Variants in DNM1L observed in about 807,000 individuals in gnomAD.
DNM1L encodes dynamin-1-like protein.
DNM1L carries 33 observed loss-of-function variants against 92.8 expected under a neutral mutation model. The observed-to-expected ratio is 0.36, with a 90% CI of 0.27 to 0.48. The LOEUF (loss-of-function observed/expected upper bound fraction) is 0.48, where lower values mean the gene tolerates loss of function less well. Ranked by LOEUF, DNM1L falls within the 20% of genes least tolerant of loss-of-function variation. DNM1L has a pLI of 0.99. For synonymous variants in DNM1L, 284 were observed against 305.0 expected, an observed-to-expected ratio of 0.93 and a Z score of 0.72; for missense variants, 485 against 888.8, an observed-to-expected ratio of 0.55 and a Z score of 5.78.
intron 6 of DNM1L, among the ~76,000 whole-genome samples, chr12:32,717,963 ATAT>A (rs1343834499): frequency 1.9e-5 from 2 of 105,518 alleles, no homozygotes; most frequent in African/African-American, 8.6e-5. Context: ...TATATAGTAT[ATAT>A]ATTATATATA....
At chr12:32,683,510 AC>A (rs1387529966) in intron 1 of DNM1L, among the ~76,000 whole-genome samples, 2 of 149,816 alleles carry the variant, frequency 1.3e-5, no homozygotes, top group Non-Finnish European at 3.0e-5. Context: ...GAGCCACTGC[AC>A]CTAGCCTAAA....
chr12:32,720,277 A>G (rs1251728880), intron 7 of DNM1L, among the ~76,000 whole-genome samples: 1 of 152,200 alleles, frequency 6.6e-6, no homozygotes, highest in Non-Finnish European at 1.5e-5. Context: ...TTTGGGAGAA[A>G]TTAGTTCCCT....
At chr12:32,732,380 A>G (rs1159610789) in intron 12 of DNM1L, among the ~76,000 whole-genome samples, 2 of 152,214 alleles carry the variant, frequency 1.3e-5, no homozygotes, top group African/African-American at 2.4e-5. Context: ...TAACTATAAT[A>G]TCGTAGTTGC....
chr12:32,705,316 G>C (rs1032048449), intron 2 of DNM1L: 26 of 152,154 alleles, frequency 1.7e-4, no homozygotes, highest in Admixed American at 5.2e-4. Context: ...TTTTTGAATA[G>C]TGAATTAATT....
At position 32,744,834 on chromosome 12, in the gene DNM1L, C is replaced by T. The variant is rs906676219; in HGVS notation, c.*1424C>T. 3 of 482,744 alleles carry T rather than the reference C, an allele frequency of 6.2e-6. No homozygotes were observed. The highest frequency in any genetic ancestry group is 1.2e-5 in the Non-Finnish European group (3 of 240,062). 29.9% of individuals were successfully genotyped at this position (482,744 alleles called of 1,614,324 possible). On this transcript the variant is annotated 3_prime_UTR_variant, in exon 20 of 20. Coordinates refer to ENST00000549701, the MANE Select transcript of DNM1L (RefSeq NM_012062.5). ...ACATATACATATTTTGTTAAAATTC[C>T]CCAGATGATTCTTGGTATGAACGAC...
chr12:32,683,482 T>G (rs1015255140), intron 1 of DNM1L, among the ~76,000 whole-genome samples: 7 of 152,096 alleles, frequency 4.6e-5, no homozygotes, highest in African/African-American at 1.7e-4. Flanking sequence ...CCTCCCAAAG[T>G]GCTAGGAGTA....
rs979923927 is a variant in DNM1L at position 32,722,781 on chromosome 12, T to C, written c.1079+148T>C. The C allele has an allele frequency of 1.6e-5, 10 of 606,590 alleles. No individual in the cohort carries two copies. The Admixed American group carries it at 3.0e-4, about 18-fold the overall frequency. The allele number at this position is 606,590 out of a possible 1,614,324, so 37.6% of individuals were successfully genotyped here. ...ACTTTGTAGAGATAATAGGATGATG[T>C]CTGGTTGTGTGAAAATATGCTTTGT... On this transcript the variant is annotated intron_variant, in intron 9 of 19. Transcript: ENST00000549701.
intron 1 of DNM1L, among the ~76,000 whole-genome samples, chr12:32,696,813 TG>T (rs1458631674): frequency 2.0e-5 from 3 of 150,308 alleles, no homozygotes; most frequent in Non-Finnish European, 4.4e-5. Context: ...TTAGTAGAGA[TG>T]GGGTTTCACC....
chr12:32,745,264 GTCCTTT>G lies in DNM1L; in HGVS notation c.*1855_*1860del, dbSNP rs1565553849. ...TTTCCAGATGACTATCATTATTCTAGTCCTTTGAATTTGTAAGGGGAAAAAAAACAA... is the reference window on the plus strand; with the variant it reads ...TTTCCAGATGACTATCATTATTCTAGGAATTTGTAAGGGGAAAAAAAACAA... On this transcript the variant is annotated 3_prime_UTR_variant, in exon 20 of 20. Coordinates refer to ENST00000549701, the MANE Select transcript of DNM1L (RefSeq NM_012062.5). 2 of 231,080 alleles carry G rather than the reference GTCCTTT, an allele frequency of 8.7e-6. No individual in the cohort carries two copies. The highest frequency in any genetic ancestry group is 1.6e-3 in the Middle Eastern group (1 of 628). The allele number at this position is 231,080 out of a possible 1,614,324, so 14.3% of individuals were successfully genotyped here. A position where few individuals can be genotyped will look rare whatever the true frequency, so the allele number is the denominator to read the frequency against.
intron 12 of DNM1L, among the ~76,000 whole-genome samples, chr12:32,733,222 CTTTATAG>C (rs957600489): frequency 1.3e-5 from 2 of 152,168 alleles, no homozygotes; most frequent in Non-Finnish European, 2.9e-5. Context: ...TAACTAGGTG[CTTTATAG>C]TTAAGGCTAA....
chr12:32,703,057 CT>C (rs781211967), intron 2 of DNM1L, among the ~76,000 whole-genome samples: 5,758 of 139,612 alleles, frequency 0.041, 270 homozygotes, highest in African/African-American at 0.13. Context: ...CTCTCTCTCT[CT>C]TTTTTTTTTT....
chr12:32,744,728 A>C lies in DNM1L; in HGVS notation c.*1318A>C, dbSNP rs1955533482. On this transcript the variant is annotated 3_prime_UTR_variant, in exon 20 of 20. Coordinates refer to ENST00000549701, the MANE Select transcript of DNM1L (RefSeq NM_012062.5). ...AACTCCGTCTCAAAAAAAAAAAATA[A>C]AACAACACCCAGATAGATACACATA... 2.7e-6 allele frequency: 1 copy of C among 367,336 alleles called. No individual in the cohort carries two copies. The highest frequency in any genetic ancestry group is 2.2e-5 in the African/African-American group (1 of 45,714). The allele number at this position is 367,336 out of a possible 1,614,324, so 22.8% of individuals were successfully genotyped here. A position where few individuals can be genotyped will look rare whatever the true frequency, so the allele number is the denominator to read the frequency against.
chr12:32,714,686 T>C (rs986716935), intron 6 of DNM1L, among the ~76,000 whole-genome samples: 33 of 152,096 alleles, frequency 2.2e-4, no homozygotes, highest in African/African-American at 7.5e-4. Flanking sequence ...TTACATTTTA[T>C]TTTTATTATT....
chr12:32,679,491 C>G (rs760510351), intron 1 of DNM1L, 26 bp downstream of exon 1: 1 of 1,592,664 alleles, frequency 6.3e-7, no homozygotes, highest in Non-Finnish European at 8.6e-7. Context: ...GGCGTTCGCT[C>G]GGGCCAGACC....
At chr12:32,713,926 G>A (rs546088624) in intron 6 of DNM1L, among the ~76,000 whole-genome samples, 1 of 152,194 alleles carries the variant, frequency 6.6e-6, no homozygotes, top group African/African-American at 2.4e-5. Flanking sequence ...AAGGCACAGG[G>A]GATTTTTAGA....
At chr12:32,715,426 G>A (rs1953317581) in intron 6 of DNM1L, among the ~76,000 whole-genome samples, 1 of 151,968 alleles carries the variant, frequency 6.6e-6, no homozygotes, top group Admixed American at 6.6e-5. Context: ...TTGTAGATTT[G>A]TAGCAGTACA....
chr12:32,687,225 T>C lies in DNM1L; in HGVS notation c.102+7760T>C, dbSNP rs557117281. ...CAAATCCAAAGCCGTGAAGATTTTT[T>C]TTTATTTTTTAATGTTTTTTCCCCT... is the stretch of plus-strand genomic sequence containing the variant. On this transcript the variant is annotated intron_variant, in intron 1 of 19. Coordinates refer to ENST00000549701, the MANE Select transcript of DNM1L (RefSeq NM_012062.5). 3.9e-5 allele frequency among the ~76,000 whole-genome samples: 6 copies of C among 152,294 alleles called. No homozygotes were observed. In the South Asian group the frequency reaches 1.2e-3, roughly 32 times the overall value.
At chr12:32,737,839 T>C (rs1955002630) in intron 14 of DNM1L, 26 bp from the exon 15 acceptor site, 3 of 1,604,294 alleles carry the variant, frequency 1.9e-6, no homozygotes, top group East Asian at 2.2e-5. Flanking sequence ...TTGATTTTTT[T>C]TCCCCCCTGG....
At chr12:32,681,530 AAG>A (rs145985226) in intron 1 of DNM1L, among the ~76,000 whole-genome samples, 1 of 147,030 alleles carries the variant, frequency 6.8e-6, no homozygotes, top group Non-Finnish European at 1.5e-5. Context: ...CCCCAGCAGA[AAG>A]AGAGAGAATA....
Sources: gnomAD v4.1 joint callset for allele counts (sites outside exome capture counted in the v4.1 genomes callset) on GRCh38, gnomAD v4.1.1 for gene constraint, MANE v1.5 for transcripts, NCBI Gene and HGNC (gene_info 2026-07-23, HGNC 2026-07-21) for gene names.